Variants in NR5A2 observed in about 807,000 individuals in gnomAD.
The protein encoded by NR5A2 is nuclear receptor subfamily 5 group A member 2.
Under a neutral mutation model 62.7 loss-of-function variants are expected in NR5A2, and 26 were observed. The ratio of observed to expected loss-of-function variants is 0.41; its 90% confidence interval spans 0.30 to 0.58. The LOEUF (loss-of-function observed/expected upper bound fraction) is 0.58, where lower values mean the gene tolerates loss of function less well. Among genes scored for constraint, NR5A2 ranks in the 20% least tolerant of loss-of-function variants. NR5A2 has a pLI of 0.22. For missense variants in NR5A2, 541 were observed against 669.1 expected, an observed-to-expected ratio of 0.81 and a Z score of 2.11; for synonymous variants, 246 against 241.7, an observed-to-expected ratio of 1.02 and a Z score of -0.16.
intron 7 of NR5A2, among the ~76,000 whole-genome samples, chr1:200,168,957 A>T (rs972313089): frequency 6.6e-6 from 1 of 152,248 alleles, no homozygotes; most frequent in Non-Finnish European, 1.5e-5. Flanking sequence ...ATAGATTGTC[A>T]TCTCTCTAAA....
intron 5 of NR5A2, among the ~76,000 whole-genome samples, chr1:200,095,594 C>T (rs188996564): frequency 1.3e-5 from 2 of 152,144 alleles, no homozygotes; most frequent in Admixed American, 6.5e-5. Context: ...ACACTCTCGC[C>T]CAGGCTGGAG....
intron 5 of NR5A2, among the ~76,000 whole-genome samples, chr1:200,068,968 C>T (rs984815044): frequency 1.3e-5 from 2 of 152,162 alleles, no homozygotes; most frequent in African/African-American, 4.8e-5. Context: ...AATAATTTCT[C>T]ATTGACCCAG....
At chr1:200,069,784 G>GC (rs1663653639) in intron 5 of NR5A2, among the ~76,000 whole-genome samples, 1 of 152,070 alleles carries the variant, frequency 6.6e-6, no homozygotes, top group Non-Finnish European at 1.5e-5. Flanking sequence ...ACCCAGTCTT[G>GC]CCCTTCATGC....
At chr1:200,159,639 A>T (rs942477318) in intron 7 of NR5A2, among the ~76,000 whole-genome samples, 4 of 131,718 alleles carry the variant, frequency 3.0e-5, no homozygotes, top group Non-Finnish European at 6.6e-5. Flanking sequence ...TTTTTAAATT[A>T]TTTATTATTA....
At chr1:200,063,340 A>G (rs866943763) in intron 5 of NR5A2, among the ~76,000 whole-genome samples, 2 of 151,704 alleles carry the variant, frequency 1.3e-5, no homozygotes, top group Non-Finnish European at 1.5e-5. Flanking sequence ...TTGTACTTTT[A>G]GTAGAGACGG....
intron 6 of NR5A2, 59 bp from the exon 7 acceptor site, chr1:200,120,749 C>T: frequency 2.1e-6 from 3 of 1,460,520 alleles, no homozygotes; most frequent in Non-Finnish European, 2.7e-6. Context: ...TCTTACGACT[C>T]AGGTGAAATA....
intron 5 of NR5A2, among the ~76,000 whole-genome samples, chr1:200,100,546 C>T (rs765126916): frequency 5.3e-5 from 8 of 152,164 alleles, no homozygotes; most frequent in Admixed American, 3.3e-4. Flanking sequence ...AAAATATATG[C>T]ATTCTCTCCA....
chr1:200,117,636 T>C (rs186115377), intron 6 of NR5A2, among the ~76,000 whole-genome samples: 34 of 152,332 alleles, frequency 2.2e-4, no homozygotes, highest in Admixed American at 1.2e-3. Context: ...ATCTTAATAA[T>C]GGAAAATTAA....
At chr1:200,112,782 T>G (rs1666018231) in intron 6 of NR5A2, among the ~76,000 whole-genome samples, 3 of 152,206 alleles carry the variant, frequency 2.0e-5, no homozygotes, top group Admixed American at 2.0e-4. Context: ...GGAGAAAATG[T>G]ACCCATTTTC....
intron 5 of NR5A2, among the ~76,000 whole-genome samples, chr1:200,090,021 T>TTGAAATGGGGACTATC (rs1664744988): frequency 6.6e-6 from 1 of 151,636 alleles, no homozygotes; most frequent in African/African-American, 2.4e-5. Context: ...TGGGGACTAT[T>TTGAAATGGGGACTATC]TGAAATGGGG....
chr1:200,069,435 A>G (rs571209409), intron 5 of NR5A2, among the ~76,000 whole-genome samples: 3 of 152,012 alleles, frequency 2.0e-5, no homozygotes, highest in Non-Finnish European at 4.4e-5. Flanking sequence ...TAATTTTTGT[A>G]TTTTTAGTAG....
At chr1:200,096,046 T>G (rs1198532032) in intron 5 of NR5A2, among the ~76,000 whole-genome samples, 1 of 151,730 alleles carries the variant, frequency 6.6e-6, no homozygotes, top group African/African-American at 2.4e-5. Flanking sequence ...ACTGCATTTT[T>G]GTTATTCTAG....
rs543163938 is a variant in NR5A2, at chr1:200,170,581, G to A, written c.1379-3382G>A. On this transcript the variant is annotated intron_variant, in intron 7 of 7. Transcript: ENST00000367362. ...GCTTTTAGGTCCTTGTGAACTATCT[G>A]TGAACTACCTCAATTACAGTGGAAA... 9.7e-4 allele frequency among the ~76,000 whole-genome samples: 148 copies of A among 152,262 alleles called. 1 individual carries two copies. In the Middle Eastern group the frequency reaches 0.014, roughly 14 times the overall value.
At chr1:200,146,099 GACT>G (rs10554960) in intron 7 of NR5A2, among the ~76,000 whole-genome samples, 2,292 of 152,094 alleles carry the variant, frequency 0.015, 53 homozygotes, top group African/African-American at 0.052. Flanking sequence ...AAATATTAAA[GACT>G]ACTAAGTACA....
chr1:200,059,150 A>C (rs149765317), intron 5 of NR5A2, among the ~76,000 whole-genome samples: 1 of 152,236 alleles, frequency 6.6e-6, no homozygotes, highest in Admixed American at 6.5e-5. Context: ...CCATCGTAGG[A>C]AACTGAAGAC....
chr1:200,060,500 G>A (rs1313498703), intron 5 of NR5A2, among the ~76,000 whole-genome samples: 1 of 152,208 alleles, frequency 6.6e-6, no homozygotes, highest in Non-Finnish European at 1.5e-5. Context: ...ATGGGCAGGA[G>A]AGGTTACTGA....
At chr1:200,043,660 T>C in intron 2 of NR5A2, 114 bp from the exon 3 acceptor site, 1 of 601,506 alleles carries the variant, frequency 1.7e-6, no homozygotes, top group Non-Finnish European at 2.8e-6. Flanking sequence ...GTTTTTATTT[T>C]ATATTTTACC....
chr1:200,087,724 C>A (rs566497744), intron 5 of NR5A2, among the ~76,000 whole-genome samples: 1 of 151,754 alleles, frequency 6.6e-6, no homozygotes, highest in East Asian at 1.9e-4. Flanking sequence ...TCTTTCATCC[C>A]TTAGTCACAT....
rs1223523363 is a variant in NR5A2 at position 200,144,221 on chromosome 1, TCTCTCTCTCTCTCACA to T, written c.1378+23268_1378+23283del. Among the ~76,000 whole-genome samples the T allele has an allele frequency of 7.7e-4, 30 of 39,110 alleles. 1 individual carries two copies. The highest frequency in any genetic ancestry group is 5.3e-3 in the Admixed American group (14 of 2,636). The allele number at this position is 39,110 out of a possible 152,430, so 25.7% of individuals were successfully genotyped here. A position where few individuals can be genotyped will look rare whatever the true frequency, so the allele number is the denominator to read the frequency against. On this transcript the variant is annotated intron_variant, in intron 7 of 7. Transcript: ENST00000367362. Reference sequence around the variant, plus strand: ...CCATCATCCCAGCACTGTTTCTCTCTCTCTCTCTCTCTCACACACACACACACACACACACACACAC... The same window carrying T: ...CCATCATCCCAGCACTGTTTCTCTCTCACACACACACACACACACACACAC...
Sources: gnomAD v4.1 joint callset for allele counts (sites outside exome capture counted in the v4.1 genomes callset) on GRCh38, gnomAD v4.1.1 for gene constraint, MANE v1.5 for transcripts, NCBI Gene and HGNC (gene_info 2026-07-23, HGNC 2026-07-21) for gene names.